RPIA: variants seen among roughly 807,000 people sequenced by gnomAD.
RPIA encodes ribose 5-phosphate isomerase A, also known as ribose-5-phosphate isomerase.
In RPIA, 29 loss-of-function variants were observed where a neutral mutation model predicts 37.8. The ratio of observed to expected loss-of-function variants is 0.77; its 90% CI spans 0.57 to 1.05. The LOEUF (loss-of-function observed/expected upper bound fraction) is 1.05. Ranked by LOEUF, RPIA falls within the 50% of genes least tolerant of loss-of-function variation. The probability of loss-of-function intolerance (pLI) is 0.00; values close to 1 mark genes in which losing one functional copy is unlikely to be tolerated. For synonymous variants in RPIA, 167 were observed against 157.0 expected (o/e 1.06, Z -0.48); for missense variants, 385 against 413.6 (o/e 0.93, Z 0.60).
chr2:88,695,673 G>A (rs1196932375), intron 1 of RPIA, among the ~76,000 whole-genome samples: 3 of 152,186 alleles, frequency 2.0e-5, no homozygotes, highest in African/African-American at 7.2e-5. Flanking sequence ...GGATTGTCCA[G>A]GTAGCTAAAC....
intron 1 of RPIA, among the ~76,000 whole-genome samples, chr2:88,695,874 G>A (rs977723834): frequency 1.3e-5 from 2 of 152,032 alleles, no homozygotes; most frequent in African/African-American, 4.8e-5. Flanking sequence ...GGTAGGAGAG[G>A]CTATAGTAGC....
At chr2:88,744,688 C>CAT (rs1215350057) in intron 8 of RPIA, among the ~76,000 whole-genome samples, 4 of 152,152 alleles carry the variant, frequency 2.6e-5, no homozygotes, top group African/African-American at 9.7e-5. Context: ...GTATTAGGTG[C>CAT]ATATATATTT....
In RPIA at chr2:88,716,182, G is replaced by A. The variant is rs144769130; in HGVS notation, c.403-13096G>A. 3.2e-4 allele frequency among the ~76,000 whole-genome samples: 48 copies of A among 152,170 alleles called. 1 individual carries two copies. In the East Asian group the frequency reaches 8.9e-3, roughly 28 times the overall value. On this transcript the variant is annotated intron_variant, in intron 3 of 8. Transcript: ENST00000283646. ...TAAATTGTGTATTCAGTGGATAGCC[G>A]CTTGAGGACTCAAAAGAATGCAGTC...
intron 3 of RPIA, among the ~76,000 whole-genome samples, chr2:88,727,357 G>A (rs1201995628): frequency 6.6e-6 from 1 of 152,160 alleles, no homozygotes; most frequent in East Asian, 1.9e-4. Context: ...TGTTTTTGTA[G>A]TCTCAGATCT....
intron 1 of RPIA, among the ~76,000 whole-genome samples, chr2:88,697,130 C>T (rs1462317888): frequency 6.6e-6 from 1 of 152,218 alleles, no homozygotes; most frequent in Non-Finnish European, 1.5e-5. Context: ...TATCTCTATA[C>T]AGTCGTCATA....
intron 3 of RPIA, among the ~76,000 whole-genome samples, chr2:88,725,730 C>A (rs551630210): frequency 2.0e-4 from 31 of 152,136 alleles, no homozygotes; most frequent in African/African-American, 7.2e-4. Context: ...TCCAATAGAT[C>A]TTTTTTGTGG....
intron 8 of RPIA, among the ~76,000 whole-genome samples, chr2:88,739,300 T>A (rs930116797): frequency 6.6e-6 from 1 of 152,160 alleles, no homozygotes; most frequent in Non-Finnish European, 1.5e-5. Context: ...TGGATAAGGA[T>A]CCTAACCCAG....
At chr2:88,738,447 G>C (rs1343807598) in intron 8 of RPIA, among the ~76,000 whole-genome samples, 2 of 152,282 alleles carry the variant, frequency 1.3e-5, no homozygotes, top group East Asian at 3.9e-4. Flanking sequence ...TTAAGTAGCG[G>C]GGAAAATGAC....
rs1673187777 is a variant in RPIA at position 88,725,692 on chromosome 2, C to G, written c.403-3586C>G. Among the ~76,000 whole-genome samples the G allele has an allele frequency of 3.3e-5, 5 of 152,188 alleles. No individual in the cohort carries two copies. In the South Asian group the frequency reaches 1.0e-3, roughly 32 times the overall value. Reference sequence around the variant, plus strand: ...TAAAGACACTGTCTCCATAAAACATCACATTCTGAAGTACTGAGGCTTAGA... The same window carrying G: ...TAAAGACACTGTCTCCATAAAACATGACATTCTGAAGTACTGAGGCTTAGA... On this transcript the variant is annotated intron_variant, in intron 3 of 8. Coordinates refer to ENST00000283646, the MANE Select transcript of RPIA (RefSeq NM_144563.3).
rs142408056 is a variant in RPIA, at chr2:88,747,785, C to T, written c.839-2196C>T. 5.9e-5 allele frequency among the ~76,000 whole-genome samples: 9 copies of T among 152,288 alleles called. No homozygotes were observed. The East Asian group carries it at 1.7e-3, about 29-fold the overall frequency. On this transcript the variant is annotated intron_variant, in intron 8 of 8. Transcript: ENST00000283646. ...TGTATGTTCAGAGGCAGACTTTTCCCCCTCTCACACTTTGGGAACTCACAG... is the reference window on the plus strand; with the variant it reads ...TGTATGTTCAGAGGCAGACTTTTCCTCCTCTCACACTTTGGGAACTCACAG...
chr2:88,699,327 G>A (rs927453100), intron 2 of RPIA, among the ~76,000 whole-genome samples: 8 of 151,942 alleles, frequency 5.3e-5, no homozygotes, highest in Admixed American at 2.6e-4. Flanking sequence ...TATAATAGTG[G>A]CACCCAAACC....
chr2:88,691,794 C>A lies in RPIA; in HGVS notation c.96C>A (p.Asn32Lys). 1 of 1,594,304 alleles carries A rather than the reference C, an allele frequency of 6.3e-7. No individual in the cohort carries two copies. Among genetic ancestry groups the A allele is most frequent in the South Asian group, 1.1e-5 (1 of 89,438 alleles). ...GCGCGGCCTCCGGCGGAGGAGGGAA[C>A]AGCTGGGACCTCCCGGGTTCCCACG... ...AGGAASGGGG[N>K]SWDLPGSHVR... Residue 32 changes from asparagine to lysine, a missense_variant, in exon 1 of 9, where the codon AAC becomes AAA. By Grantham distance (94) the Asn-to-Lys change is moderately conservative. Around this residue, in one of 2 missense-constraint regions of RPIA, gnomAD observed 232 missense variants for 203.0 expected, o/e 1.14. Coordinates refer to ENST00000283646, the MANE Select transcript of RPIA (RefSeq NM_144563.3).
At chr2:88,729,403 T>A in intron 4 of RPIA, 66 bp downstream of exon 4, 3 of 1,417,008 alleles carry the variant, frequency 2.1e-6, no homozygotes, top group Non-Finnish European at 3.0e-6. Flanking sequence ...CTGTCACTTG[T>A]TCATGGGCTC....
At chr2:88,721,571 ACCCC>A (rs1156741297) in intron 3 of RPIA, among the ~76,000 whole-genome samples, 938 of 22,980 alleles carry the variant, frequency 0.041, 29 homozygotes, top group East Asian at 0.22. Flanking sequence ...ACACACACAC[ACCCC>A]CCCCCCCACA....
intron 3 of RPIA, among the ~76,000 whole-genome samples, chr2:88,702,981 G>A (rs746876590): frequency 4.7e-4 from 71 of 152,294 alleles, no homozygotes; most frequent in Middle Eastern, 6.8e-3. Context: ...GGGGCTACAG[G>A]TCCCACGCAA....
rs1361908213 is a variant in RPIA at position 88,738,038 on chromosome 2, A to G, written c.800A>G (p.Lys267Arg). ...GACTGGAAGTTTGACCGGGTACACA[A>G]ATGGAGTGAAGTGAATACAGCTATC... ...ILDWKFDRVH[K>R]WSEVNTAIKM... The change falls in exon 8 of 9, where the codon AAA (lysine) becomes AGA (arginine). Residue 267 changes from lysine to arginine, a missense_variant. Physicochemically the swap from Lys to Arg is conservative, Grantham distance 26. Around this residue, in one of 2 missense-constraint regions of RPIA, gnomAD observed 153 missense variants for 210.6 expected, o/e 0.73. Transcript: ENST00000283646. 14 of 1,614,024 alleles carry G rather than the reference A, an allele frequency of 8.7e-6. No homozygotes were observed. The highest frequency in any genetic ancestry group is 1.2e-5 in the Non-Finnish European group (14 of 1,179,906).
chr2:88,713,122 T>TATATA (rs60868319), intron 3 of RPIA, among the ~76,000 whole-genome samples: 42 of 42,582 alleles, frequency 9.9e-4, no homozygotes, highest in Non-Finnish European at 1.3e-3. Flanking sequence ...ATATATATAT[T>TATATA]TTTTTTTTTT....
At chr2:88,707,974 G>T (rs1672916806) in intron 3 of RPIA, among the ~76,000 whole-genome samples, 1 of 152,156 alleles carries the variant, frequency 6.6e-6, no homozygotes, top group Non-Finnish European at 1.5e-5. Context: ...TGATGTCAGG[G>T]TTCCAGTATC....
intron 1 of RPIA, among the ~76,000 whole-genome samples, chr2:88,693,601 G>A (rs192484332): frequency 4.7e-4 from 72 of 152,328 alleles, no homozygotes; most frequent in African/African-American, 1.7e-3. Flanking sequence ...CCCTTAAAGG[G>A]TAAGCTCCTG....
Sources: allele counts gnomAD v4.1 joint callset (sites outside exome capture counted in the v4.1 genomes callset), GRCh38; gene constraint gnomAD v4.1.1; regional missense constraint gnomAD v4.1.1; transcripts MANE v1.5; gene names NCBI Gene and HGNC (gene_info 2026-07-23, HGNC 2026-07-21).